Variants in C3orf49 observed in about 807,000 individuals in gnomAD.
The protein encoded by C3orf49 is chromosome 3 open reading frame 49.
A neutral mutation model predicts 13.3 loss-of-function variants in C3orf49; 27 were observed. The observed-to-expected ratio is 2.02, with a 90% confidence interval of 1.49 to 2.79. The LOEUF (loss-of-function observed/expected upper bound fraction) is 2.79. Among genes scored for constraint, C3orf49 ranks in the 30% most tolerant of loss-of-function variants. C3orf49 has a pLI of 0.00. For synonymous variants in C3orf49, 87 were observed against 47.6 expected, an observed-to-expected ratio of 1.83 and a Z score of -3.40; for missense variants, 242 against 134.2, an observed-to-expected ratio of 1.80 and a Z score of -3.97.
At position 63,831,738 on chromosome 3, in the gene C3orf49, A is replaced by ATGCT; in HGVS notation, c.744_747dup (p.Glu250CysfsTer2). On this transcript the variant is annotated frameshift_variant, in exon 5 of 7. Transcript: ENST00000295896. LOFTEE classifies it high-confidence loss of function. ...TCCATGAAGCTACTGGCCCAAAGAC[A>ATGCT]TGCTGAGCTTCAACAGTGTGAGTTT... 1.4e-6 allele frequency: 1 copy of ATGCT among 703,180 alleles called. No homozygotes were observed. The highest frequency in any genetic ancestry group is 2.7e-5 in the East Asian group (1 of 37,270). The allele number at this position is 703,180 out of a possible 1,614,324, so 43.6% of individuals were successfully genotyped here.
At chr3:63,836,430 A>G in intron 5 of C3orf49, 1 of 1,383,980 alleles carries the variant, frequency 7.2e-7, no homozygotes, top group Non-Finnish European at 1.0e-6. Flanking sequence ...AATGTGTAAT[A>G]TCACAAACCT....
intron 5 of C3orf49, chr3:63,832,109 G>A: frequency 3.2e-6 from 1 of 314,314 alleles, no homozygotes; most frequent in Non-Finnish European, 5.8e-6. Context: ...CAGGAGAATT[G>A]CTTGAACCTG....
At chr3:63,831,639 T>C in intron 4 of C3orf49, 41 bp from the exon 5 acceptor site, 1 of 690,430 alleles carries the variant, frequency 1.4e-6, no homozygotes, top group East Asian at 2.7e-5. Flanking sequence ...GACAAGGCTT[T>C]CCAACACATG....
chr3:63,803,244 T>G, the C3orf49 span, among the ~76,000 whole-genome samples: 1 of 152,222 alleles, frequency 6.6e-6, no homozygotes, highest in Non-Finnish European at 1.5e-5. Context: ...TTTTCTATAT[T>G]CATGTCTTTT....
chr3:63,843,711 T>A (rs1003710990), intron 5 of C3orf49, among the ~76,000 whole-genome samples: 1 of 151,980 alleles, frequency 6.6e-6, no homozygotes, highest in South Asian at 2.1e-4. Context: ...CCATCCTGGC[T>A]AACACAGTGA....
chr3:63,782,546 T>C, the C3orf49 span: 2 of 152,108 alleles, frequency 1.3e-5, no homozygotes, highest in Non-Finnish European at 2.9e-5. Context: ...AAACTGAAAA[T>C]GAAGCCACAA....
the C3orf49 span, among the ~76,000 whole-genome samples, chr3:63,789,563 C>A: frequency 2.0e-5 from 3 of 152,018 alleles, no homozygotes; most frequent in Non-Finnish European, 4.4e-5. Context: ...GTAATCCCAG[C>A]ACTTTGGGAG....
chr3:63,792,938 G>T, the C3orf49 span, among the ~76,000 whole-genome samples: 1 of 152,114 alleles, frequency 6.6e-6, no homozygotes, highest in Non-Finnish European at 1.5e-5. Flanking sequence ...GTTTTGTCTT[G>T]TTTCGTTGTC....
At position 63,826,037 on chromosome 3, in the gene C3orf49, A is replaced by G. The variant is rs556868369; in HGVS notation, c.446-1564A>G. Reference sequence around the variant, plus strand: ...GAGAGCATGTTCAAGTCACAATATCAAGAGATCACCAGGCACAATTAGGAA... The same window carrying G: ...GAGAGCATGTTCAAGTCACAATATCGAGAGATCACCAGGCACAATTAGGAA... On this transcript the variant is annotated intron_variant, in intron 2 of 6. Coordinates refer to ENST00000295896, the MANE Select transcript of C3orf49 (RefSeq NM_001355236.2). Among the ~76,000 whole-genome samples, 3 of 152,326 alleles carry G rather than the reference A, an allele frequency of 2.0e-5. No individual in the cohort carries two copies. In the South Asian group the frequency reaches 6.2e-4, roughly 32 times the overall value.
the C3orf49 span, among the ~76,000 whole-genome samples, chr3:63,795,150 C>T: frequency 6.6e-6 from 1 of 152,106 alleles, no homozygotes; most frequent in East Asian, 1.9e-4. Flanking sequence ...TTACTTTTTG[C>T]AACCAATCAG....
chr3:63,836,431 T>C (rs530276753), intron 5 of C3orf49: 1 of 1,379,426 alleles, frequency 7.2e-7, no homozygotes, highest in East Asian at 2.3e-5. Flanking sequence ...ATGTGTAATA[T>C]CACAAACCTC....
chr3:63,829,129 G>A (rs910158332), intron 3 of C3orf49, among the ~76,000 whole-genome samples: 9 of 152,168 alleles, frequency 5.9e-5, no homozygotes, highest in African/African-American at 2.2e-4. Context: ...CTGTCAGAGT[G>A]CACTGATACT....
the C3orf49 span, among the ~76,000 whole-genome samples, chr3:63,812,387 G>A: frequency 6.6e-6 from 1 of 152,098 alleles, no homozygotes; most frequent in African/African-American, 2.4e-5. Context: ...TGTGGTCCAC[G>A]GGCCACACGT....
At chr3:63,841,091 A>G (rs1285721794) in intron 5 of C3orf49, among the ~76,000 whole-genome samples, 3 of 152,248 alleles carry the variant, frequency 2.0e-5, no homozygotes, top group Non-Finnish European at 4.4e-5. Context: ...AGCCAAAAGA[A>G]TAGTGCAGAT....
chr3:63,795,489 T>G, the C3orf49 span, among the ~76,000 whole-genome samples: 1 of 152,190 alleles, frequency 6.6e-6, no homozygotes, highest in Admixed American at 6.6e-5. Flanking sequence ...CTGGACAACT[T>G]GCAGTCACGA....
At chr3:63,819,758 T>G (rs905297035) in intron 1 of C3orf49, among the ~76,000 whole-genome samples, 162 bp downstream of exon 1, 6 of 152,140 alleles carry the variant, frequency 3.9e-5, no homozygotes, top group Admixed American at 2.6e-4. Context: ...GTAAGCTTCA[T>G]TTTATGATCA....
At position 63,835,690 on chromosome 3, in the gene C3orf49, GT is replaced by G. The variant is rs549931265; in HGVS notation, c.849+3852del. ...CATATTGTGAAGTTTAACTTCGAGG[GT>G]TTTTTATTTTGGTAAAAGAAATAAA... On this transcript the variant is annotated intron_variant, in intron 5 of 6. Transcript: ENST00000295896. 5.9e-5 allele frequency among the ~76,000 whole-genome samples: 9 copies of G among 152,114 alleles called. No homozygotes were observed. The South Asian group carries it at 1.9e-3, about 32-fold the overall frequency.
the C3orf49 span, among the ~76,000 whole-genome samples, chr3:63,797,700 A>G: frequency 6.6e-6 from 1 of 152,150 alleles, no homozygotes; most frequent in Non-Finnish European, 1.5e-5. Context: ...TTGGAGTGGC[A>G]GTTTGCCCTA....
At position 63,845,704 on chromosome 3, in the gene C3orf49, A is replaced by C. The variant is rs563272892; in HGVS notation, c.*30+622A>C. ...GAAATGTCATTAGCTAAGTTGGTCAAGGCGATCTCAAAGCCAAAGCCATTT... is the reference window on the plus strand; with the variant it reads ...GAAATGTCATTAGCTAAGTTGGTCACGGCGATCTCAAAGCCAAAGCCATTT... On this transcript the variant is annotated intron_variant, in intron 6 of 6. Coordinates refer to ENST00000295896, the MANE Select transcript of C3orf49 (RefSeq NM_001355236.2). Among the ~76,000 whole-genome samples, 4 of 152,204 alleles carry C rather than the reference A, an allele frequency of 2.6e-5. No individual in the cohort carries two copies. In the South Asian group the frequency reaches 8.3e-4, roughly 32 times the overall value.
Sources: allele counts gnomAD v4.1 joint callset (sites outside exome capture counted in the v4.1 genomes callset), GRCh38; gene constraint gnomAD v4.1.1; transcripts MANE v1.5; gene names NCBI Gene and HGNC (gene_info 2026-07-23, HGNC 2026-07-21).